The following HYCC2 variants were observed in gnomAD, a reference collection of about 807,000 sequenced individuals.
The protein encoded by HYCC2 is hyccin 2.
the HYCC2 span, among the ~76,000 whole-genome samples, chr2:200,982,336 C>T: frequency 6.6e-6 from 1 of 151,948 alleles, no homozygotes; most frequent in African/African-American, 2.4e-5. Context: ...TACCAAAAAC[C>T]CATTTATGCT....
chr2:201,030,111 A>G, the HYCC2 span, among the ~76,000 whole-genome samples: 1 of 152,022 alleles, frequency 6.6e-6, no homozygotes, highest in Non-Finnish European at 1.5e-5. Context: ...AAAGTCCGGA[A>G]ATTTCATTGT....
At chr2:201,035,175 T>C in the HYCC2 span, among the ~76,000 whole-genome samples, 1 of 152,242 alleles carries the variant, frequency 6.6e-6, no homozygotes, top group East Asian at 1.9e-4. Flanking sequence ...GAAGTTCTCC[T>C]GGATAATCTC....
the HYCC2 span, among the ~76,000 whole-genome samples, chr2:201,041,915 T>C: frequency 1.3e-5 from 2 of 152,228 alleles, no homozygotes; most frequent in East Asian, 3.8e-4. Context: ...TTTTAGTACC[T>C]TCATTTGAAA....
the HYCC2 span, among the ~76,000 whole-genome samples, chr2:200,986,851 T>G: frequency 6.6e-6 from 1 of 152,202 alleles, no homozygotes; most frequent in Non-Finnish European, 1.5e-5. Context: ...GCTGAGAAAT[T>G]GTCCATTGAA....
chr2:201,036,325 C>G, the HYCC2 span, among the ~76,000 whole-genome samples: 1 of 152,152 alleles, frequency 6.6e-6, no homozygotes, highest in Non-Finnish European at 1.5e-5. Context: ...TAAGGAGGAG[C>G]TGGTACCATT....
the HYCC2 span, among the ~76,000 whole-genome samples, chr2:201,055,789 A>C: frequency 1.3e-5 from 2 of 152,182 alleles, no homozygotes; most frequent in Non-Finnish European, 2.9e-5. Context: ...TGCTGGGAGC[A>C]GTGGCTTATG....
the HYCC2 span, among the ~76,000 whole-genome samples, chr2:201,044,473 A>T: frequency 6.6e-6 from 1 of 152,344 alleles, no homozygotes; most frequent in African/African-American, 2.4e-5. Flanking sequence ...GAAGGTAAAG[A>T]ACTACTTGCA....
At chr2:201,023,328 G>A in the HYCC2 span, among the ~76,000 whole-genome samples, 1 of 151,546 alleles carries the variant, frequency 6.6e-6, no homozygotes, top group African/African-American at 2.4e-5. Context: ...CAGCCTGGGT[G>A]ACAGAGCGAG....
At chr2:201,001,685 T>G in the HYCC2 span, among the ~76,000 whole-genome samples, 7,218 of 152,228 alleles carry the variant, frequency 0.047, 550 homozygotes, top group African/African-American at 0.16. Flanking sequence ...TTTTTATTTT[T>G]TTTTTTGAGA....
chr2:201,024,444 G>A, the HYCC2 span, among the ~76,000 whole-genome samples: 4 of 152,032 alleles, frequency 2.6e-5, no homozygotes, highest in South Asian at 4.2e-4. Context: ...AGCTATGATC[G>A]TGCCACTGCA....
At chr2:201,023,793 C>G in the HYCC2 span, 1 of 531,312 alleles carries the variant, frequency 1.9e-6, no homozygotes, top group Non-Finnish European at 3.4e-6. Flanking sequence ...TTTTTAAGAA[C>G]TGCAATTACA....
At chr2:200,998,479 G>A in the HYCC2 span, among the ~76,000 whole-genome samples, 1 of 152,154 alleles carries the variant, frequency 6.6e-6, no homozygotes, top group African/African-American at 2.4e-5. Flanking sequence ...CCACTGAATT[G>A]TAATTTTACG....
At chr2:200,997,600 G>A in the HYCC2 span, 4 of 1,060,924 alleles carry the variant, frequency 3.8e-6, no homozygotes, top group Non-Finnish European at 4.4e-6. Flanking sequence ...CTAGCAACTG[G>A]TTATGACAAT....
At chr2:200,992,981 G>A in the HYCC2 span, 7 of 1,612,844 alleles carry the variant, frequency 4.3e-6, no homozygotes, top group Admixed American at 3.3e-5. Flanking sequence ...TCATGTTGCC[G>A]TGGAAAGCCA....
chr2:201,062,138 G>A, the HYCC2 span, among the ~76,000 whole-genome samples: 174 of 152,140 alleles, frequency 1.1e-3, no homozygotes, highest in Admixed American at 2.3e-3. Context: ...AGCACATATT[G>A]TAATATTATG....
chr2:200,977,869 T>G, the HYCC2 span: 4 of 152,162 alleles, frequency 2.6e-5, no homozygotes, highest in African/African-American at 7.2e-5. Context: ...TCAAATCTTC[T>G]GAGTTAACTA....
the HYCC2 span, among the ~76,000 whole-genome samples, chr2:200,999,390 CTTTT>C: frequency 6.9e-6 from 1 of 145,780 alleles, no homozygotes; most frequent in African/African-American, 2.5e-5. Flanking sequence ...CCTCTCCCCA[CTTTT>C]TTTTTTTTGA....
At chr2:201,059,021 G>A in the HYCC2 span, among the ~76,000 whole-genome samples, 1 of 152,146 alleles carries the variant, frequency 6.6e-6, no homozygotes, top group Non-Finnish European at 1.5e-5. Flanking sequence ...TAAGGACATT[G>A]GCTTTCTCCA....
the HYCC2 span, among the ~76,000 whole-genome samples, chr2:201,009,888 G>C: frequency 6.6e-6 from 1 of 151,866 alleles, no homozygotes; most frequent in South Asian, 2.1e-4. Context: ...CAGATCAAGA[G>C]GTCAGGATAT....
Sources: gnomAD v4.1 joint callset for allele counts (sites outside exome capture counted in the v4.1 genomes callset) on GRCh38, gnomAD v4.1.1 for gene constraint, MANE v1.5 for transcripts, NCBI Gene and HGNC (gene_info 2026-07-23, HGNC 2026-07-21) for gene names.